The following C1QTNF7 variants were observed in gnomAD, a reference collection of about 807,000 sequenced individuals.
C1QTNF7 encodes C1q and TNF related 7, also known as complement C1q tumor necrosis factor-related protein 7.
C1QTNF7 carries 15 observed loss-of-function variants against 19.6 expected under a neutral mutation model. That is an observed-to-expected ratio of 0.76 (90% CI 0.51 to 1.18). The LOEUF (loss-of-function observed/expected upper bound fraction) is 1.18, where lower values mean the gene tolerates loss of function less well. C1QTNF7 is among the 50% of genes most tolerant of loss of function. The pLI is 0.00. For missense variants in C1QTNF7, 324 were observed against 359.7 expected, an observed-to-expected ratio of 0.90 and a Z score of 0.80; for synonymous variants, 142 against 137.5, an observed-to-expected ratio of 1.03 and a Z score of -0.23.
intron 1 of C1QTNF7, among the ~76,000 whole-genome samples, chr4:15,376,587 C>A (rs1717948844): frequency 1.3e-5 from 2 of 152,190 alleles, no homozygotes; most frequent in East Asian, 1.9e-4. Flanking sequence ...TTGTCTCTTT[C>A]ATATATGAGA....
intron 2 of C1QTNF7, among the ~76,000 whole-genome samples, chr4:15,441,823 C>A (rs917860878): frequency 6.6e-6 from 1 of 152,026 alleles, no homozygotes; most frequent in African/African-American, 2.4e-5. Context: ...AGTTCAAGAC[C>A]AGCCTGGCCA....
intron 1 of C1QTNF7, among the ~76,000 whole-genome samples, chr4:15,349,867 G>C (rs935819709): frequency 1.3e-5 from 2 of 152,070 alleles, no homozygotes; most frequent in Admixed American, 6.6e-5. Flanking sequence ...AAGAATACGA[G>C]TCTCATAAGG....
At chr4:15,366,920 GAT>G (rs1717546260) in intron 1 of C1QTNF7, among the ~76,000 whole-genome samples, 1 of 152,202 alleles carries the variant, frequency 6.6e-6, no homozygotes, top group Non-Finnish European at 1.5e-5. Flanking sequence ...GGGGGGAAAA[GAT>G]AGTGATGATT....
intron 1 of C1QTNF7, among the ~76,000 whole-genome samples, chr4:15,350,110 GCA>G: frequency 3.2e-5 from 4 of 126,226 alleles, no homozygotes; most frequent in African/African-American, 1.2e-4. Flanking sequence ...AGGAAGGGAG[GCA>G]GGCAGGCAAG....
chr4:15,435,674 A>G (rs1001345092), intron 1 of C1QTNF7, 62 bp from the exon 2 acceptor site: 158 of 1,588,124 alleles, frequency 9.9e-5, no homozygotes, highest in Non-Finnish European at 1.3e-4. Context: ...TGATTCAATC[A>G]TGCCAAACCA....
intron 1 of C1QTNF7, among the ~76,000 whole-genome samples, chr4:15,378,710 T>C (rs1337103336): frequency 6.6e-6 from 1 of 152,190 alleles, no homozygotes; most frequent in Non-Finnish European, 1.5e-5. Context: ...ATTGTGCATA[T>C]GTTAGTGGAG....
chr4:15,394,011 C>G (rs1426079502), intron 1 of C1QTNF7, among the ~76,000 whole-genome samples: 1 of 152,082 alleles, frequency 6.6e-6, no homozygotes, highest in African/African-American at 2.4e-5. Flanking sequence ...CAGGAGGGCT[C>G]TATTTCATAT....
intron 1 of C1QTNF7, among the ~76,000 whole-genome samples, chr4:15,348,106 G>A (rs1716780195): frequency 6.6e-6 from 1 of 152,108 alleles, no homozygotes; most frequent in Admixed American, 6.5e-5. Context: ...GTATTTGGTG[G>A]GCCAGCTAAT....
intron 1 of C1QTNF7, among the ~76,000 whole-genome samples, chr4:15,406,778 T>C (rs571631414): frequency 1.2e-4 from 18 of 152,262 alleles, no homozygotes; most frequent in African/African-American, 2.2e-4. Flanking sequence ...TAAGAGATAA[T>C]AGGATACACA....
At chr4:15,355,627 G>A (rs1717118057) in intron 1 of C1QTNF7, among the ~76,000 whole-genome samples, 1 of 152,022 alleles carries the variant, frequency 6.6e-6, no homozygotes, top group South Asian at 2.1e-4. Flanking sequence ...ACTCTTAAAG[G>A]GATGGTAGGA....
chr4:15,425,608 A>T (rs963048168), upstream of C1QTNF7, among the ~76,000 whole-genome samples: 3 of 152,212 alleles, frequency 2.0e-5, no homozygotes, highest in Admixed American at 1.3e-4. Flanking sequence ...TGGTCTTTTA[A>T]AGTTAGCAAC....
At chr4:15,356,097 A>T (rs1410332911) in intron 1 of C1QTNF7, among the ~76,000 whole-genome samples, 1 of 151,564 alleles carries the variant, frequency 6.6e-6, no homozygotes, top group Non-Finnish European at 1.5e-5. Context: ...TTTGTTTTTC[A>T]GTTTCTTTTT....
chr4:15,425,639 T>C (rs1299589570), upstream of C1QTNF7, among the ~76,000 whole-genome samples: 1 of 152,068 alleles, frequency 6.6e-6, no homozygotes, highest in Non-Finnish European at 1.5e-5. Context: ...GGAAATATGG[T>C]AAGTAGTTAG....
At chr4:15,374,954 C>T (rs1332003153) in intron 1 of C1QTNF7, among the ~76,000 whole-genome samples, 1 of 151,302 alleles carries the variant, frequency 6.6e-6, no homozygotes, top group Non-Finnish European at 1.5e-5. Flanking sequence ...TTCTGCTGAA[C>T]AAGAGAGGGA....
chr4:15,376,337 T>C (rs1355699660), intron 1 of C1QTNF7, among the ~76,000 whole-genome samples: 1 of 152,192 alleles, frequency 6.6e-6, no homozygotes, highest in Non-Finnish European at 1.5e-5. Context: ...TACTGAGCAT[T>C]TGTCGTGTGC....
At chr4:15,372,223 A>G (rs1370565189) in intron 1 of C1QTNF7, among the ~76,000 whole-genome samples, 1 of 152,200 alleles carries the variant, frequency 6.6e-6, no homozygotes, top group Non-Finnish European at 1.5e-5. Flanking sequence ...TTTAACCCCT[A>G]TTACGGCTTT....
chr4:15,341,027 A>T (rs16891758), intron 1 of C1QTNF7, among the ~76,000 whole-genome samples: 1 of 152,128 alleles, frequency 6.6e-6, no homozygotes, highest in Non-Finnish European at 1.5e-5. Flanking sequence ...TGTCTCTGTT[A>T]TCAGTGTTCC....
chr4:15,368,087 T>A (rs552820019), intron 1 of C1QTNF7, among the ~76,000 whole-genome samples: 1 of 152,286 alleles, frequency 6.6e-6, no homozygotes, highest in East Asian at 1.9e-4. Context: ...ATGCAACCAC[T>A]TATCTGACTG....
At chr4:15,370,275 A>G (rs1017342285) in intron 1 of C1QTNF7, among the ~76,000 whole-genome samples, 5 of 152,224 alleles carry the variant, frequency 3.3e-5, no homozygotes, top group African/African-American at 1.2e-4. Context: ...CTGTTTGGCT[A>G]TAAACTGAGA....
Sources: gnomAD v4.1 joint callset for allele counts (sites outside exome capture counted in the v4.1 genomes callset) on GRCh38, gnomAD v4.1.1 for gene constraint, MANE v1.5 for transcripts, NCBI Gene and HGNC (gene_info 2026-07-23, HGNC 2026-07-21) for gene names.